The following SH3GLB1 variants were observed in gnomAD, a reference collection of about 807,000 sequenced individuals.
SH3GLB1 encodes the protein SH3 domain containing GRB2 like, endophilin B1, also known as endophilin-B1.
SH3GLB1 carries 17 observed loss-of-function variants against 42.0 expected under a neutral mutation model. The observed-to-expected ratio is 0.40, with a 90% CI of 0.28 to 0.61. SH3GLB1 has a LOEUF of 0.61. Among genes scored for constraint, SH3GLB1 ranks in the 20% least tolerant of loss-of-function variants. The pLI, the probability that SH3GLB1 is intolerant of heterozygous loss-of-function variation, is 0.36. For synonymous variants in SH3GLB1, 132 were observed against 146.6 expected, an observed-to-expected ratio of 0.90 and a Z score of 0.72; for missense variants, 355 against 426.3, an observed-to-expected ratio of 0.83 and a Z score of 1.47.
chr1:86,724,213 G>A, intron 4 of SH3GLB1, 100 bp from the exon 5 acceptor site: 1 of 746,240 alleles, frequency 1.3e-6, no homozygotes, highest in South Asian at 2.7e-5. Flanking sequence ...TCTTTATCAA[G>A]TGATACATAT....
Position 86,715,778 on chromosome 1 carries a change from G to C in SH3GLB1, c.127G>C (p.Glu43Gln). The stretch of plus-strand genomic sequence containing the variant: ...GAAGACAGAATTGGATGCTCACTTA[G>C]AGAACCTCCTTAGCAAAGCTGAATG... Reference protein sequence around the residue: ...AEKTELDAHLENLLSKAECTK... With the variant: ...AEKTELDAHLQNLLSKAECTK... Residue 43 changes from glutamate to glutamine, a missense_variant, in exon 2 of 9, where the codon GAG (glutamate) becomes CAG (glutamine). Physicochemically the swap from Glu to Gln is conservative, Grantham distance 29 (BLOSUM62 2). Transcript: ENST00000370558. 1 of 1,613,008 alleles carries C rather than the reference G, an allele frequency of 6.2e-7. No individual in the cohort carries two copies. The highest frequency in any genetic ancestry group is 1.7e-5 in the Admixed American group (1 of 59,718).
chr1:86,707,987 G>A (rs7553319), intron 1 of SH3GLB1, among the ~76,000 whole-genome samples: 2 of 152,108 alleles, frequency 1.3e-5, no homozygotes, highest in Admixed American at 6.6e-5. Context: ...AACAGAAGTC[G>A]CTGAAACAAC....
At chr1:86,730,393 C>T (rs1425471742) in intron 5 of SH3GLB1, 11 of 983,740 alleles carry the variant, frequency 1.1e-5, no homozygotes, top group Non-Finnish European at 1.3e-5. Flanking sequence ...AGAAGGCAGG[C>T]GAAATGCTTG....
chr1:86,735,095 G>A lies in SH3GLB1; in HGVS notation c.677G>A (p.Cys226Tyr). ...ISSTHAHHLRCLNDFVEAQMT... is the reference protein window; with the variant it reads ...ISSTHAHHLRYLNDFVEAQMT... ...CCTTCACAGGCCCATCACCTTCGCT[G>A]TCTGAATGACTTTGTAGAAGCCCAG... The change falls in exon 7 of 9, where the codon TGT (cysteine) becomes TAT (tyrosine). Residue 226 changes from cysteine (C) to tyrosine (Y), a missense_variant. Physicochemically the swap from Cys to Tyr is radical, Grantham distance 194 (BLOSUM62 -2). Coordinates refer to ENST00000370558, the MANE Select transcript of SH3GLB1 (RefSeq NM_016009.5). 1 of 1,612,834 alleles carries A rather than the reference G, an allele frequency of 6.2e-7. No homozygotes were observed. The highest frequency in any genetic ancestry group is 8.5e-7 in the Non-Finnish European group (1 of 1,179,016).
Position 86,704,878 on chromosome 1 carries a change from C to T in SH3GLB1, c.-22C>T, listed in dbSNP as rs1254644489. On this transcript the variant is annotated 5_prime_UTR_variant, in exon 1 of 9. Transcript: ENST00000370558. The stretch of plus-strand genomic sequence containing the variant: ...GCCTCGCCGCCGCTAGGTCGGCCGG[C>T]TCCGCCCGGCTGCCGCCTAGGATGA... 9 of 1,544,612 alleles carry T rather than the reference C, an allele frequency of 5.8e-6. No individual in the cohort carries two copies. In the East Asian group the frequency reaches 1.8e-4, roughly 31 times the overall value.
chr1:86,743,821 G>GT lies in SH3GLB1; in HGVS notation c.*592dup, dbSNP rs569877534. 4 of 152,446 alleles carry GT rather than the reference G, an allele frequency of 2.6e-5. No homozygotes were observed. The highest frequency in any genetic ancestry group is 9.7e-5 in the African/African-American group (4 of 41,404). The allele number at this position is 152,446 out of a possible 1,614,324, so 9.4% of individuals were successfully genotyped here. On this transcript the variant is annotated 3_prime_UTR_variant, in exon 9 of 9. Coordinates refer to ENST00000370558, the MANE Select transcript of SH3GLB1 (RefSeq NM_016009.5). ...GATGGGTTATTTTCAGAGTTGTTTG[G>GT]TTTTTTAAACACTACTGAATGGTTT... is the stretch of plus-strand genomic sequence containing the variant.
chr1:86,728,271 G>A lies in SH3GLB1; in HGVS notation c.570+3866G>A, dbSNP rs115365992. The stretch of plus-strand genomic sequence containing the variant: ...TTTCACAGAACAATAAATGTAGTGG[G>A]GGTTTTTTAATAGAAAAAAATATTT... On this transcript the variant is annotated intron_variant, in intron 5 of 8. Coordinates refer to ENST00000370558, the MANE Select transcript of SH3GLB1 (RefSeq NM_016009.5). 2,576 of 433,878 alleles carry A rather than the reference G, an allele frequency of 5.9e-3. 60 individuals are homozygous for A. The highest frequency in any genetic ancestry group is 0.049 in the African/African-American group (2,372 of 48,852). 26.9% of individuals were successfully genotyped at this position (433,878 alleles called of 1,614,324 possible). A position where few individuals can be genotyped will look rare whatever the true frequency, so the allele number is the denominator to read the frequency against.
At chr1:86,706,050 A>T (rs1296377678) in intron 1 of SH3GLB1, among the ~76,000 whole-genome samples, 1 of 152,230 alleles carries the variant, frequency 6.6e-6, no homozygotes, top group Non-Finnish European at 1.5e-5. Context: ...ATAGCTGCCT[A>T]TATTATGAAA....
At chr1:86,707,644 A>ATTTTT (rs948807467) in intron 1 of SH3GLB1, among the ~76,000 whole-genome samples, 11 of 116,520 alleles carry the variant, frequency 9.4e-5, no homozygotes, top group South Asian at 2.7e-4. Flanking sequence ...TTTACAGGGT[A>ATTTTT]TTTTTTTTTT....
intron 3 of SH3GLB1, among the ~76,000 whole-genome samples, chr1:86,720,173 A>G (rs562034379): frequency 6.6e-6 from 1 of 152,284 alleles, no homozygotes; most frequent in African/African-American, 2.4e-5. Flanking sequence ...AGTTCTAAAA[A>G]GTTTAATGAA....
intron 7 of SH3GLB1, among the ~76,000 whole-genome samples, chr1:86,739,996 A>G (rs1655978413): frequency 6.6e-6 from 1 of 152,086 alleles, no homozygotes; most frequent in African/African-American, 2.4e-5. Flanking sequence ...AAATACAAAA[A>G]TTAACTGGGT....
intron 1 of SH3GLB1, among the ~76,000 whole-genome samples, chr1:86,705,332 G>C (rs1449499492): frequency 6.6e-6 from 1 of 152,146 alleles, no homozygotes; most frequent in African/African-American, 2.4e-5. Context: ...TGCGGTAACC[G>C]AGACACAGGC....
chr1:86,708,522 G>A (rs1654007647), intron 1 of SH3GLB1, among the ~76,000 whole-genome samples: 1 of 152,134 alleles, frequency 6.6e-6, no homozygotes, highest in Admixed American at 6.5e-5. Flanking sequence ...AAAGCACATA[G>A]ATGCGTCCCA....
At chr1:86,713,703 C>T (rs972126879) in intron 1 of SH3GLB1, among the ~76,000 whole-genome samples, 1 of 152,152 alleles carries the variant, frequency 6.6e-6, no homozygotes, top group African/African-American at 2.4e-5. Context: ...ATCCCTCCCC[C>T]ACTGAAGCCT....
intron 5 of SH3GLB1, among the ~76,000 whole-genome samples, chr1:86,733,453 T>C (rs532608763): frequency 6.6e-6 from 1 of 152,286 alleles, no homozygotes; most frequent in African/African-American, 2.4e-5. Flanking sequence ...TTTTTTACTT[T>C]TATTACATCT....
chr1:86,737,949 G>A (rs1655857450), intron 7 of SH3GLB1, among the ~76,000 whole-genome samples: 1 of 152,176 alleles, frequency 6.6e-6, no homozygotes, highest in Non-Finnish European at 1.5e-5. Flanking sequence ...CTAGAGACGA[G>A]TAGAGGAAAC....
intron 5 of SH3GLB1, among the ~76,000 whole-genome samples, chr1:86,733,718 T>C (rs192150271): frequency 1.3e-5 from 2 of 152,344 alleles, no homozygotes; most frequent in East Asian, 3.9e-4. Context: ...TGAACTGTTT[T>C]GTCGCAGCAG....
At chr1:86,730,059 A>G in intron 5 of SH3GLB1, 1 of 1,574,508 alleles carries the variant, frequency 6.4e-7, no homozygotes, top group Non-Finnish European at 8.6e-7. Flanking sequence ...CATGCTTTAT[A>G]TTTTTCTCTA....
At position 86,720,787 on chromosome 1, in the gene SH3GLB1, T is replaced by G. The variant is rs114421450; in HGVS notation, c.343+1152T>G. ...TAGTTATCTTTATGTCAGAAAGAAA[T>G]AACCTAAATATTGTTGAATGCCACT... is the stretch of plus-strand genomic sequence containing the variant. On this transcript the variant is annotated intron_variant, in intron 3 of 8. Coordinates refer to ENST00000370558, the MANE Select transcript of SH3GLB1 (RefSeq NM_016009.5). Among the ~76,000 whole-genome samples the G allele has an allele frequency of 2.9e-3, 440 of 152,360 alleles. 2 individuals carry two copies. Among genetic ancestry groups the G allele is most frequent in the African/African-American group, 0.01 (425 of 41,584 alleles).
Sources: allele counts gnomAD v4.1 joint callset (sites outside exome capture counted in the v4.1 genomes callset), GRCh38; gene constraint gnomAD v4.1.1; transcripts MANE v1.5; gene names NCBI Gene and HGNC (gene_info 2026-07-23, HGNC 2026-07-21).